Variants in KIF26B observed in about 807,000 individuals in gnomAD.
KIF26B encodes the protein kinesin family member 26B, also known as kinesin-like protein KIF26B.
Under a neutral mutation model 151.2 loss-of-function variants are expected in KIF26B, and 63 were observed. That is an observed-to-expected ratio of 0.42 (90% CI 0.34 to 0.51). The LOEUF is 0.51. Ranked by LOEUF, KIF26B falls within the 20% of genes least tolerant of loss-of-function variation. The pLI is 0.07. For missense variants in KIF26B, 2,813 were observed against 2,913.6 expected (o/e 0.97, Z 0.79); for synonymous variants, 1,357 against 1,262.1 (o/e 1.08, Z -1.59).
At chr1:245,390,482 T>A (rs918237630) in intron 3 of KIF26B, among the ~76,000 whole-genome samples, 4 of 152,064 alleles carry the variant, frequency 2.6e-5, no homozygotes, top group African/African-American at 9.7e-5. Flanking sequence ...GGATTACAGG[T>A]GTGAGTCACT....
intron 2 of KIF26B, among the ~76,000 whole-genome samples, chr1:245,180,352 G>A (rs1303393184): frequency 3.3e-5 from 5 of 152,126 alleles, no homozygotes; most frequent in Non-Finnish European, 7.4e-5. Flanking sequence ...AGTCCAGGGA[G>A]TCTGCGTTCT....
At chr1:245,357,026 T>G (rs1380644788) in intron 2 of KIF26B, among the ~76,000 whole-genome samples, 2 of 152,130 alleles carry the variant, frequency 1.3e-5, no homozygotes, top group Non-Finnish European at 2.9e-5. Flanking sequence ...TGGACATTCC[T>G]GGTGTGTTCA....
At chr1:245,321,057 G>C (rs1027099125) in intron 2 of KIF26B, among the ~76,000 whole-genome samples, 22 of 152,194 alleles carry the variant, frequency 1.4e-4, no homozygotes, top group African/African-American at 5.3e-4. Flanking sequence ...TCACAAAAGT[G>C]TTCTGGTTAG....
At chr1:245,468,072 G>C (rs1340424374) in intron 4 of KIF26B, among the ~76,000 whole-genome samples, 1 of 151,978 alleles carries the variant, frequency 6.6e-6, no homozygotes, top group African/African-American at 2.4e-5. Flanking sequence ...AAAGCAGGGT[G>C]GGGGTGGGGA....
chr1:245,163,455 T>G (rs1448437774), intron 2 of KIF26B, among the ~76,000 whole-genome samples: 1 of 152,174 alleles, frequency 6.6e-6, no homozygotes, highest in African/African-American at 2.4e-5. Flanking sequence ...ACTATTTTAA[T>G]TATGGAAGCT....
Position 245,560,024 on chromosome 1 carries a change from CG to C in KIF26B, c.1350+19075del, listed in dbSNP as rs2042928357. 6.6e-6 allele frequency among the ~76,000 whole-genome samples: 1 copy of C among 152,096 alleles called. No individual in the cohort carries two copies. Among genetic ancestry groups the C allele is most frequent in the Admixed American group, 6.5e-5 (1 of 15,272 alleles). On this transcript the variant is annotated intron_variant, in intron 5 of 14. Transcript: ENST00000407071. This position sits in a 1 kb window ranked among gnomAD's most constrained non-coding sequence, Gnocchi z 4.3. The stretch of plus-strand genomic sequence containing the variant: ...CTGCCAGGGATGCTCGTCTCTCATT[CG>C]TTTTTTTGGCGTGGAAACACGCTGC...
chr1:245,427,109 T>G (rs528396414), intron 4 of KIF26B, among the ~76,000 whole-genome samples: 2 of 152,254 alleles, frequency 1.3e-5, no homozygotes, highest in South Asian at 4.1e-4. Flanking sequence ...ACATCAACAA[T>G]ATTACCAGAG....
rs781057525 is a variant in KIF26B, at chr1:245,358,184, C to T, written c.466-8650C>T. Among the ~76,000 whole-genome samples the T allele has an allele frequency of 3.9e-5, 6 of 152,154 alleles. No homozygotes were observed. The highest frequency in any genetic ancestry group is 7.2e-5 in the African/African-American group (3 of 41,446). Reference sequence around the variant, plus strand: ...TTTCCCAAAGTGTGGGGATTACAGGCGTGAGCCACCATACCCTGCCAAAAT... The same window carrying T: ...TTTCCCAAAGTGTGGGGATTACAGGTGTGAGCCACCATACCCTGCCAAAAT... On this transcript the variant is annotated intron_variant, in intron 2 of 14. Coordinates refer to ENST00000407071, the MANE Select transcript of KIF26B (RefSeq NM_018012.4). This position sits in a 1 kb window ranked among gnomAD's most constrained non-coding sequence, Gnocchi z 4.1.
chr1:245,271,348 CTAT>C (rs1670853727), intron 2 of KIF26B, among the ~76,000 whole-genome samples: 2 of 152,220 alleles, frequency 1.3e-5, no homozygotes, highest in South Asian at 4.1e-4. Flanking sequence ...ACTTCAGGTA[CTAT>C]GGACATTTTA....
intron 2 of KIF26B, among the ~76,000 whole-genome samples, chr1:245,359,191 G>A (rs1672763364): frequency 6.6e-6 from 1 of 151,964 alleles, no homozygotes; most frequent in Admixed American, 6.6e-5. Flanking sequence ...GTTAATTTTT[G>A]TATTTTTAGT....
At chr1:245,253,301 G>C (rs1670477446) in intron 2 of KIF26B, among the ~76,000 whole-genome samples, 1 of 151,930 alleles carries the variant, frequency 6.6e-6, no homozygotes. Flanking sequence ...GAGCTACTGG[G>C]CCCTGCCTCT....
intron 10 of KIF26B, among the ~76,000 whole-genome samples, chr1:245,666,471 C>T (rs985329058): frequency 3.9e-5 from 6 of 152,020 alleles, no homozygotes; most frequent in African/African-American, 1.2e-4. Context: ...ACTGGTCAGC[C>T]GAATTAAAGC....
chr1:245,304,975 T>C (rs891854406), intron 2 of KIF26B, among the ~76,000 whole-genome samples: 6 of 152,158 alleles, frequency 3.9e-5, no homozygotes, highest in Non-Finnish European at 8.8e-5. Context: ...GATATGAATG[T>C]GCTGTGTAGT....
intron 2 of KIF26B, among the ~76,000 whole-genome samples, chr1:245,194,819 G>C (rs569357827): frequency 1.3e-5 from 2 of 152,276 alleles, no homozygotes; most frequent in South Asian, 2.1e-4. Flanking sequence ...TCTTCAAAAA[G>C]CCAAAATCTG....
intron 2 of KIF26B, among the ~76,000 whole-genome samples, chr1:245,248,740 A>C (rs906103730): frequency 6.6e-6 from 1 of 152,148 alleles, no homozygotes; most frequent in Non-Finnish European, 1.5e-5. Flanking sequence ...TTGTGAGTTT[A>C]TTTCTTCTTT....
intron 3 of KIF26B, among the ~76,000 whole-genome samples, chr1:245,382,738 T>C: frequency 6.6e-6 from 1 of 151,874 alleles, no homozygotes; most frequent in Non-Finnish European, 1.5e-5. Flanking sequence ...CCGGCTAATT[T>C]TGTATTTTTA....
intron 2 of KIF26B, among the ~76,000 whole-genome samples, chr1:245,325,946 AT>A (rs1005693960): frequency 1.3e-5 from 2 of 152,076 alleles, no homozygotes; most frequent in African/African-American, 4.8e-5. Flanking sequence ...TCCCTCGCTT[AT>A]TGCTAAATGG....
Position 245,471,059 on chromosome 1 carries a change from C to A in KIF26B, c.1166+51314C>A, listed in dbSNP as rs550875796. Among the ~76,000 whole-genome samples the A allele has an allele frequency of 6.6e-5, 10 of 151,982 alleles. No individual in the cohort carries two copies. The South Asian group carries it at 2.1e-3, about 32-fold the overall frequency. ...CTACATTTATTGTCGTATATTCAAG[C>A]AGAACAGTGTAAAAATGATTACCAA... On this transcript the variant is annotated intron_variant, in intron 4 of 14. Coordinates refer to ENST00000407071, the MANE Select transcript of KIF26B (RefSeq NM_018012.4).
chr1:245,595,727 G>T (rs1275208278), intron 5 of KIF26B, among the ~76,000 whole-genome samples: 1 of 152,200 alleles, frequency 6.6e-6, no homozygotes, highest in Non-Finnish European at 1.5e-5. Context: ...AATAGTTTCA[G>T]AAGGAATGGT....
Sources: allele counts gnomAD v4.1 joint callset (sites outside exome capture counted in the v4.1 genomes callset), GRCh38; gene constraint gnomAD v4.1.1; non-coding constraint Gnocchi (gnomAD v3.1); transcripts MANE v1.5; gene names NCBI Gene and HGNC (gene_info 2026-07-23, HGNC 2026-07-21).